MED27: variants seen among roughly 807,000 people sequenced by gnomAD.
MED27 encodes the protein mediator complex subunit 27.
Under a neutral mutation model 38.2 loss-of-function variants are expected in MED27, and 30 were observed. The ratio of observed to expected loss-of-function variants is 0.79; its 90% CI spans 0.59 to 1.07. MED27 has a LOEUF of 1.07. Among genes scored for constraint, MED27 ranks in the 50% least tolerant of loss-of-function variants. MED27 has a pLI of 0.00. For synonymous variants in MED27, 122 were observed against 153.5 expected, an observed-to-expected ratio of 0.79 and a Z score of 1.52; for missense variants, 289 against 397.5, an observed-to-expected ratio of 0.73 and a Z score of 2.32.
At position 131,997,172 on chromosome 9, in the gene MED27, C is replaced by T. The variant is rs1462275601; in HGVS notation, c.479+17165G>A. 6.6e-6 allele frequency among the ~76,000 whole-genome samples: 1 copy of T among 151,910 alleles called. No homozygotes were observed. Among genetic ancestry groups the T allele is most frequent in the Non-Finnish European group, 1.5e-5 (1 of 68,016 alleles). On this transcript the variant is annotated intron_variant, in intron 3 of 7. Coordinates refer to ENST00000292035, the MANE Select transcript of MED27 (RefSeq NM_004269.4). The surrounding 1 kb of genome is among the most constrained non-coding windows in gnomAD (Gnocchi z 4.0). ...CATGTTGAAAGGTTGTACAAATCTG[C>T]CGCTTCCGGAGAATAAAGAATTAAC...
intron 3 of MED27, among the ~76,000 whole-genome samples, chr9:132,002,840 G>A (rs1487002289): frequency 6.7e-6 from 1 of 149,880 alleles, no homozygotes; most frequent in Non-Finnish European, 1.5e-5. Flanking sequence ...GTTTGAACCT[G>A]AGAGGTGGAG....
At chr9:131,864,848 G>C (rs1811372354) in intron 6 of MED27, among the ~76,000 whole-genome samples, 1 of 152,254 alleles carries the variant, frequency 6.6e-6, no homozygotes, top group Non-Finnish European at 1.5e-5. Flanking sequence ...TGCATACTGA[G>C]TAAGGCTCGT....
intron 3 of MED27, among the ~76,000 whole-genome samples, chr9:131,944,652 C>T (rs988350266): frequency 1.2e-4 from 18 of 151,978 alleles, no homozygotes; most frequent in African/African-American, 4.1e-4. Context: ...CTGCCTCAGC[C>T]TCCCAAGTAG....
chr9:131,863,918 TG>T (rs1243192968), intron 6 of MED27, among the ~76,000 whole-genome samples: 1 of 152,132 alleles, frequency 6.6e-6, no homozygotes, highest in Non-Finnish European at 1.5e-5. Context: ...GGTGACCAGA[TG>T]GACAGAGCAC....
chr9:132,025,571 A>T (rs1205343338), intron 2 of MED27, among the ~76,000 whole-genome samples: 2 of 152,236 alleles, frequency 1.3e-5, no homozygotes, highest in African/African-American at 2.4e-5. Flanking sequence ...TTCATAGTCA[A>T]CCATCTGGAT....
At chr9:131,907,681 C>T (rs1348502150) in intron 4 of MED27, among the ~76,000 whole-genome samples, 4 of 151,170 alleles carry the variant, frequency 2.6e-5, no homozygotes, top group South Asian at 2.1e-4. Flanking sequence ...GGCCGCCCAT[C>T]GTCTGGGATG....
At chr9:131,945,795 TAAA>T (rs56741813) in intron 3 of MED27, among the ~76,000 whole-genome samples, 11 of 118,984 alleles carry the variant, frequency 9.2e-5, no homozygotes, top group African/African-American at 1.3e-4. Context: ...TCCTGTCTCT[TAAA>T]AAAAAAAAAA....
intron 3 of MED27, among the ~76,000 whole-genome samples, chr9:131,995,131 A>T (rs148825995): frequency 5.3e-5 from 8 of 152,234 alleles, no homozygotes; most frequent in African/African-American, 1.9e-4. Flanking sequence ...AGAAGGAAAA[A>T]GATTGGAAAG....
chr9:131,975,271 C>T (rs1831580007), intron 3 of MED27, among the ~76,000 whole-genome samples: 1 of 152,140 alleles, frequency 6.6e-6, no homozygotes, highest in Non-Finnish European at 1.5e-5. Context: ...AGAAGTTCAC[C>T]TACTTCTTAA....
intron 6 of MED27, chr9:131,868,939 T>G (rs375558451): frequency 1.0e-6 from 1 of 985,380 alleles, no homozygotes; most frequent in African/African-American, 1.7e-5. Context: ...GCGGGAGCCA[T>G]GCGCCACAGC....
chr9:131,998,877 A>G (rs1225288963), intron 3 of MED27, among the ~76,000 whole-genome samples: 1 of 151,972 alleles, frequency 6.6e-6, no homozygotes, highest in African/African-American at 2.4e-5. Context: ...CTTAATTTCA[A>G]TTGTTTTATT....
chr9:131,926,378 A>T (rs188123024), intron 4 of MED27, among the ~76,000 whole-genome samples: 2 of 152,346 alleles, frequency 1.3e-5, no homozygotes, highest in East Asian at 3.9e-4. Flanking sequence ...GGCACAAAGG[A>T]ATTCTCAAAA....
chr9:131,869,380 C>T (rs1589170080), intron 6 of MED27: 1 of 970,486 alleles, frequency 1.0e-6, no homozygotes, highest in East Asian at 1.2e-4. Context: ...TTGGAAAAAA[C>T]AGGCCTGGGG....
intron 3 of MED27, among the ~76,000 whole-genome samples, chr9:132,001,784 T>G (rs993803972): frequency 1.3e-5 from 2 of 152,158 alleles, no homozygotes; most frequent in African/African-American, 4.8e-5. Context: ...TCCCTTACGG[T>G]ATAGATGCTC....
chr9:131,926,990 G>C (rs1830495751), intron 4 of MED27, among the ~76,000 whole-genome samples: 1 of 152,114 alleles, frequency 6.6e-6, no homozygotes, highest in Non-Finnish European at 1.5e-5. Context: ...TAAATGCCGA[G>C]AGAAGCCAGC....
At chr9:131,881,464 G>A (rs908643143) in intron 6 of MED27, among the ~76,000 whole-genome samples, 2 of 152,162 alleles carry the variant, frequency 1.3e-5, no homozygotes, top group Non-Finnish European at 2.9e-5. Flanking sequence ...AGGGAGGAAA[G>A]GAGGGAGGCT....
chr9:132,043,013 A>T (rs1833252806), intron 2 of MED27, among the ~76,000 whole-genome samples: 1 of 152,222 alleles, frequency 6.6e-6, no homozygotes, highest in Non-Finnish European at 1.5e-5. Flanking sequence ...TTCTAGTAAC[A>T]TCTGGAGTAG....
intron 4 of MED27, among the ~76,000 whole-genome samples, chr9:131,933,498 T>A (rs1420259278): frequency 6.6e-6 from 1 of 152,006 alleles, no homozygotes; most frequent in Admixed American, 6.6e-5. Context: ...GTAATCCGAT[T>A]TAATAGCCAC....
Position 132,029,423 on chromosome 9 carries a change from CCACAG to C in MED27, c.349-14961_349-14957del, listed in dbSNP as rs147150171. Among the ~76,000 whole-genome samples the C allele has an allele frequency of 9.5e-3, 1,444 of 152,188 alleles. 5 individuals are homozygous for C. The highest frequency in any genetic ancestry group is 0.034 in the Middle Eastern group (10 of 294). On this transcript the variant is annotated intron_variant, in intron 2 of 7. Transcript: ENST00000292035. ...TATAATTTGCTTTCTTTGCCTTTTT[CCACAG>C]CACTGCACATAAATCAAAGAAATGT...
Sources: allele counts gnomAD v4.1 joint callset (sites outside exome capture counted in the v4.1 genomes callset), GRCh38; gene constraint gnomAD v4.1.1; non-coding constraint Gnocchi (gnomAD v3.1); transcripts MANE v1.5; gene names NCBI Gene and HGNC (gene_info 2026-07-23, HGNC 2026-07-21).